Variants in CTNNA3 observed in about 807,000 individuals in gnomAD.
CTNNA3 encodes the protein catenin alpha-3.
Under a neutral mutation model 95.7 loss-of-function variants are expected in CTNNA3, and 76 were observed. The ratio of observed to expected loss-of-function variants is 0.79; its 90% CI spans 0.66 to 0.96. The LOEUF (loss-of-function observed/expected upper bound fraction) is 0.96, where lower values mean the gene tolerates loss of function less well. CTNNA3 is among the 40% of genes least tolerant of loss of function. The pLI is 0.00. For missense variants in CTNNA3, 1,191 were observed against 1,089.8 expected, an observed-to-expected ratio of 1.09 and a Z score of -1.31; for synonymous variants, 431 against 374.4, an observed-to-expected ratio of 1.15 and a Z score of -1.74.
intron 5 of CTNNA3, among the ~76,000 whole-genome samples, chr10:67,460,748 T>C (rs1216941267): frequency 1.3e-5 from 2 of 152,044 alleles, no homozygotes; most frequent in Admixed American, 1.3e-4. Flanking sequence ...ATTTTTCCAA[T>C]ACAAATTTCA....
chr10:67,088,243 C>T (rs751248134), intron 7 of CTNNA3, among the ~76,000 whole-genome samples: 1 of 151,360 alleles, frequency 6.6e-6, no homozygotes, highest in Non-Finnish European at 1.5e-5. Context: ...AGGACAAGAA[C>T]TTGGCATATG....
intron 1 of CTNNA3, among the ~76,000 whole-genome samples, chr10:67,710,790 T>C (rs1308227901): frequency 6.6e-6 from 1 of 152,204 alleles, no homozygotes; most frequent in African/African-American, 2.4e-5. Flanking sequence ...ATCTGTGTCC[T>C]GACTGGGATA....
intron 5 of CTNNA3, among the ~76,000 whole-genome samples, chr10:67,280,818 C>T (rs763016422): frequency 1.3e-5 from 2 of 152,138 alleles, no homozygotes; most frequent in African/African-American, 4.8e-5. Context: ...TTTCCCTCCC[C>T]CAATGAAGAG....
intron 1 of CTNNA3, among the ~76,000 whole-genome samples, chr10:67,726,503 T>TATATTAC (rs1841224131): frequency 1.5e-5 from 1 of 64,928 alleles, no homozygotes; most frequent in African/African-American, 6.5e-5. Flanking sequence ...CAATATATAA[T>TATATTAC]ATATTATATA....
chr10:66,704,120 C>G (rs538790862), intron 9 of CTNNA3, among the ~76,000 whole-genome samples: 1 of 152,172 alleles, frequency 6.6e-6, no homozygotes, highest in Non-Finnish European at 1.5e-5. Flanking sequence ...AATACACAAT[C>G]AATATTTTTA....
At chr10:66,793,998 C>T (rs34120231) in intron 7 of CTNNA3, among the ~76,000 whole-genome samples, 7 of 151,744 alleles carry the variant, frequency 4.6e-5, no homozygotes, top group African/African-American at 1.7e-4. Flanking sequence ...AAACTTTCCC[C>T]CTCACCTTCT....
At chr10:67,542,412 C>A (rs1840710332) in intron 3 of CTNNA3, among the ~76,000 whole-genome samples, 1 of 152,072 alleles carries the variant, frequency 6.6e-6, no homozygotes, top group South Asian at 2.1e-4. Context: ...TGGCCCTGGT[C>A]ACCACAGCAT....
chr10:67,017,095 A>T (rs939191734), intron 7 of CTNNA3, among the ~76,000 whole-genome samples: 1 of 152,214 alleles, frequency 6.6e-6, no homozygotes, highest in Non-Finnish European at 1.5e-5. Flanking sequence ...TTTATAGCTA[A>T]TCATTGTATA....
intron 5 of CTNNA3, among the ~76,000 whole-genome samples, chr10:67,503,954 A>C (rs569300061): frequency 2.0e-5 from 3 of 150,902 alleles, no homozygotes; most frequent in Non-Finnish European, 4.4e-5. Context: ...TCAGGAGATC[A>C]AGACCATCCT....
intron 7 of CTNNA3, among the ~76,000 whole-genome samples, chr10:67,014,741 T>C (rs886660063): frequency 2.0e-5 from 3 of 151,940 alleles, no homozygotes; most frequent in African/African-American, 4.8e-5. Context: ...TCAGAAAGTT[T>C]CACTTTAAGT....
At chr10:66,661,607 C>T (rs185545850) in intron 9 of CTNNA3, among the ~76,000 whole-genome samples, 87 of 152,134 alleles carry the variant, frequency 5.7e-4, no homozygotes, top group African/African-American at 1.9e-3. Context: ...ACTCTCATAT[C>T]CCCTCTTGGT....
Position 66,896,092 on chromosome 10 carries a change from C to T in CTNNA3, c.1048-120568G>A, listed in dbSNP as rs559654453. ...AGCCTGGGCAACAAGAGTTAAACTT[C>T]ATCTCAAAAAAATATAAAATAAAAT... On this transcript the variant is annotated intron_variant, in intron 7 of 17. Coordinates refer to ENST00000433211, the MANE Select transcript of CTNNA3 (RefSeq NM_013266.4). Among the ~76,000 whole-genome samples the T allele has an allele frequency of 2.8e-4, 42 of 151,894 alleles. 1 individual carries two copies. The South Asian group carries it at 7.5e-3, about 27-fold the overall frequency.
chr10:67,593,074 G>A (rs922252139), intron 3 of CTNNA3, among the ~76,000 whole-genome samples: 2 of 152,120 alleles, frequency 1.3e-5, no homozygotes, highest in African/African-American at 4.8e-5. Context: ...GTGATATTTG[G>A]TTCTCTGTTC....
chr10:67,079,440 C>T (rs1281169691), intron 7 of CTNNA3, among the ~76,000 whole-genome samples: 2 of 152,118 alleles, frequency 1.3e-5, no homozygotes, highest in Admixed American at 1.3e-4. Flanking sequence ...GTTTAGAAAA[C>T]CCCAATAAAG....
intron 10 of CTNNA3, among the ~76,000 whole-genome samples, chr10:66,544,504 T>A (rs1030972528): frequency 1.6e-4 from 25 of 152,270 alleles, no homozygotes; most frequent in Admixed American, 1.5e-3. Flanking sequence ...TTTTAATAAA[T>A]GTGGACTGAG....
chr10:67,418,765 TGTA>T (rs1044448364), intron 5 of CTNNA3, among the ~76,000 whole-genome samples: 26 of 152,244 alleles, frequency 1.7e-4, no homozygotes, highest in African/African-American at 5.5e-4. Flanking sequence ...TTGTAAAACA[TGTA>T]GTAGAAAATC....
At chr10:66,016,882 G>A (rs2091070474) in intron 15 of CTNNA3, among the ~76,000 whole-genome samples, 1 of 152,078 alleles carries the variant, frequency 6.6e-6, no homozygotes, top group Admixed American at 6.6e-5. Context: ...AAAGTATAAT[G>A]ACAGAAATGT....
chr10:66,920,703 T>G (rs1397544444), intron 7 of CTNNA3, among the ~76,000 whole-genome samples: 1 of 152,216 alleles, frequency 6.6e-6, no homozygotes, highest in Non-Finnish European at 1.5e-5. Flanking sequence ...CCAGATTTAA[T>G]CCAAATGTGT....
intron 15 of CTNNA3, among the ~76,000 whole-genome samples, chr10:66,026,736 C>T (rs1445131089): frequency 3.3e-5 from 5 of 152,078 alleles, no homozygotes. Flanking sequence ...GTATTTGAGT[C>T]ATCTTATTGG....
Sources: gnomAD v4.1 joint callset for allele counts (sites outside exome capture counted in the v4.1 genomes callset) on GRCh38, gnomAD v4.1.1 for gene constraint, MANE v1.5 for transcripts, NCBI Gene and HGNC (gene_info 2026-07-23, HGNC 2026-07-21) for gene names.